Variants in EXOC6 observed in about 807,000 individuals in gnomAD.
EXOC6 encodes exocyst complex component 6.
In EXOC6, 60 loss-of-function variants were observed where a neutral mutation model predicts 112.5. That is an observed-to-expected ratio of 0.53 (90% CI 0.43 to 0.66). The LOEUF (loss-of-function observed/expected upper bound fraction) is 0.66. Among genes scored for constraint, EXOC6 ranks in the 30% least tolerant of loss-of-function variants. The pLI, the probability that EXOC6 is intolerant of heterozygous loss-of-function variation, is 0.00. For missense variants in EXOC6, 855 were observed against 957.1 expected, an observed-to-expected ratio of 0.89 and a Z score of 1.41; for synonymous variants, 295 against 308.0, an observed-to-expected ratio of 0.96 and a Z score of 0.44.
At chr10:92,987,497 G>T in intron 18 of EXOC6, 1 of 257,124 alleles carries the variant, frequency 3.9e-6, no homozygotes, top group Non-Finnish European at 6.1e-6. Context: ...AACAAACACA[G>T]AAAGAACTTG....
chr10:92,937,761 CA>C (rs1412194953), intron 12 of EXOC6, among the ~76,000 whole-genome samples: 1 of 152,032 alleles, frequency 6.6e-6, no homozygotes, highest in African/African-American at 2.4e-5. Context: ...TAGGTTAGTG[CA>C]AAAGTAATTG....
At position 92,947,790 on chromosome 10, in the gene EXOC6, G is replaced by C. The variant is rs889190266; in HGVS notation, c.1311-484G>C. ...CGTGGTGGCACGCGCCTGTAGTCCA[G>C]CTACTTGGGAGGCTGAGGCAGCAGA... On this transcript the variant is annotated intron_variant, in intron 13 of 21. Coordinates refer to ENST00000260762, the MANE Select transcript of EXOC6 (RefSeq NM_019053.6). 1.3e-5 allele frequency among the ~76,000 whole-genome samples: 2 copies of C among 152,166 alleles called. 1 individual carries two copies. The highest frequency in any genetic ancestry group is 2.9e-5 in the Non-Finnish European group (2 of 68,028).
At chr10:92,843,371 T>C (rs1347701065) in intron 1 of EXOC6, among the ~76,000 whole-genome samples, 3 of 152,250 alleles carry the variant, frequency 2.0e-5, no homozygotes, top group Admixed American at 6.5e-5. Flanking sequence ...GAAGGATTAG[T>C]TTATCAGAGC....
chr10:92,988,174 G>A (rs1843085405), intron 18 of EXOC6, among the ~76,000 whole-genome samples: 2 of 152,096 alleles, frequency 1.3e-5, no homozygotes, highest in African/African-American at 4.8e-5. Flanking sequence ...ACCCAGTGCA[G>A]GTATTTCTTT....
chr10:92,831,897 C>T (rs1439776673), upstream of EXOC6, among the ~76,000 whole-genome samples: 7 of 152,102 alleles, frequency 4.6e-5, no homozygotes, highest in Admixed American at 4.6e-4. Flanking sequence ...TTATATTCTT[C>T]CTGTAATTCT....
intron 20 of EXOC6, among the ~76,000 whole-genome samples, chr10:93,029,238 TAATAGAC>T (rs1449945640): frequency 6.6e-6 from 1 of 152,244 alleles, no homozygotes; most frequent in East Asian, 1.9e-4. Flanking sequence ...ATTGCACACT[TAATAGAC>T]TATAGTGTAA....
intron 14 of EXOC6, among the ~76,000 whole-genome samples, chr10:92,948,882 T>A (rs1017558318): frequency 6.6e-6 from 1 of 152,216 alleles, no homozygotes; most frequent in Admixed American, 6.5e-5. Flanking sequence ...AGGCAATAGC[T>A]ACCTGTAGAT....
intron 19 of EXOC6, chr10:92,999,120 C>T: frequency 2.9e-6 from 1 of 341,838 alleles, no homozygotes; most frequent in East Asian, 9.8e-5. Flanking sequence ...GATCTGCCCA[C>T]CTCAGCCTCC....
At chr10:92,928,268 T>TA in intron 8 of EXOC6, 71 bp from the exon 9 acceptor site, 1 of 754,030 alleles carries the variant, frequency 1.3e-6, no homozygotes, top group Non-Finnish European at 2.2e-6. Flanking sequence ...ACTCTTGGGG[T>TA]AAAGAAGTAT....
At chr10:93,023,034 A>G (rs1844858230) in intron 20 of EXOC6, among the ~76,000 whole-genome samples, 1 of 142,488 alleles carries the variant, frequency 7.0e-6, no homozygotes, top group African/African-American at 2.6e-5. Context: ...CTGTCTTAAT[A>G]GGGTGGTTGA....
At chr10:92,901,487 T>C (rs1185456037) in intron 5 of EXOC6, 1 of 151,714 alleles carries the variant, frequency 6.6e-6, no homozygotes, top group Non-Finnish European at 1.5e-5. Flanking sequence ...TTTATTATTG[T>C]CATTATTCAT....
chr10:92,957,832 T>G (rs1853775421), intron 17 of EXOC6, among the ~76,000 whole-genome samples: 1 of 152,210 alleles, frequency 6.6e-6, no homozygotes, highest in African/African-American at 2.4e-5. Context: ...GAATTTCCAT[T>G]CATAGTGAAT....
intron 17 of EXOC6, among the ~76,000 whole-genome samples, chr10:92,960,134 A>G (rs953774400): frequency 6.6e-6 from 1 of 152,232 alleles, no homozygotes; most frequent in East Asian, 1.9e-4. Context: ...AGGTGAATGT[A>G]TAAATAAACC....
intron 1 of EXOC6, among the ~76,000 whole-genome samples, chr10:92,862,335 C>A (rs1430816552): frequency 3.3e-5 from 5 of 151,882 alleles, no homozygotes; most frequent in East Asian, 1.9e-4. Flanking sequence ...TTCATGCCCC[C>A]CCCCCATAAT....
Sources: gnomAD v4.1 joint callset for allele counts (sites outside exome capture counted in the v4.1 genomes callset) on GRCh38, gnomAD v4.1.1 for gene constraint, MANE v1.5 for transcripts, NCBI Gene and HGNC (gene_info 2026-07-23, HGNC 2026-07-21) for gene names.